DYNC1I2: variants seen among roughly 807,000 people sequenced by gnomAD.
The protein encoded by DYNC1I2 is dynein cytoplasmic 1 intermediate chain 2, also known as cytoplasmic dynein 1 intermediate chain 2.
DYNC1I2 carries 53 observed loss-of-function variants against 88.6 expected under a neutral mutation model. The observed-to-expected ratio is 0.60, with a 90% confidence interval of 0.48 to 0.75. The LOEUF is 0.75. Ranked by LOEUF, DYNC1I2 falls within the 30% of genes least tolerant of loss-of-function variation. The pLI, the probability that DYNC1I2 is intolerant of heterozygous loss-of-function variation, is 0.00. For missense variants in DYNC1I2, 458 were observed against 766.6 expected, an observed-to-expected ratio of 0.60 and a Z score of 4.75; for synonymous variants, 198 against 254.6, an observed-to-expected ratio of 0.78 and a Z score of 2.12.
intron 15 of DYNC1I2, among the ~76,000 whole-genome samples, chr2:171,741,011 CTT>C: frequency 6.6e-6 from 1 of 152,294 alleles, no homozygotes; most frequent in African/African-American, 2.4e-5. Flanking sequence ...CTTTCTATCT[CTT>C]TGGGTCTGCC....
chr2:171,698,123 G>A (rs1215058027), intron 3 of DYNC1I2, among the ~76,000 whole-genome samples: 1 of 152,186 alleles, frequency 6.6e-6, no homozygotes, highest in Non-Finnish European at 1.5e-5. Flanking sequence ...TTCTTTATCA[G>A]CCTTTTATCT....
intron 16 of DYNC1I2, among the ~76,000 whole-genome samples, chr2:171,744,781 T>C (rs1689672736): frequency 2.0e-5 from 3 of 152,208 alleles, no homozygotes; most frequent in South Asian, 4.1e-4. Context: ...TATTTATTTT[T>C]AGTCACATGT....
At chr2:171,712,146 CT>C (rs1364399775) in intron 5 of DYNC1I2, among the ~76,000 whole-genome samples, 1 of 152,090 alleles carries the variant, frequency 6.6e-6, no homozygotes, top group Non-Finnish European at 1.5e-5. Context: ...TAGTTGTTTT[CT>C]TTAAGCAGAT....
chr2:171,695,193 G>A (rs1432227136), intron 3 of DYNC1I2, among the ~76,000 whole-genome samples: 3 of 151,832 alleles, frequency 2.0e-5, no homozygotes, highest in South Asian at 2.1e-4. Context: ...TCCACCTCCC[G>A]AGTTTAAGCG....
chr2:171,712,624 A>AT (rs5836347), intron 5 of DYNC1I2, 143 bp from the exon 6 acceptor site: 9,050 of 500,456 alleles, frequency 0.018, 1 homozygote, highest in East Asian at 0.034. Context: ...TTTGTTTTCG[A>AT]TTTTTTTTTT....
At chr2:171,734,890 A>G (rs1688900034) in intron 15 of DYNC1I2, among the ~76,000 whole-genome samples, 1 of 152,236 alleles carries the variant, frequency 6.6e-6, no homozygotes, top group Non-Finnish European at 1.5e-5. Flanking sequence ...AATGAATGGT[A>G]AAGAATAATA....
chr2:171,690,758 G>A (rs1685344799), intron 2 of DYNC1I2, among the ~76,000 whole-genome samples: 1 of 150,736 alleles, frequency 6.6e-6, no homozygotes, highest in Non-Finnish European at 1.5e-5. Flanking sequence ...TGACTCAGGT[G>A]ATCCTTCCAC....
At chr2:171,743,104 A>G (rs116555388) in intron 15 of DYNC1I2, among the ~76,000 whole-genome samples, 2,865 of 152,318 alleles carry the variant, frequency 0.019, 58 homozygotes, top group Admixed American at 0.068. Context: ...TTCTGACAAC[A>G]TAAATTGTTG....
intron 7 of DYNC1I2, among the ~76,000 whole-genome samples, chr2:171,723,112 G>A (rs1426388950): frequency 6.6e-6 from 1 of 152,130 alleles, no homozygotes. Flanking sequence ...TGTTAAATAT[G>A]TAAATTATGA....
Position 171,725,679 on chromosome 2 carries a change from A to T in DYNC1I2, c.573A>T (p.Lys191Asn). 9 of 1,582,616 alleles carry T rather than the reference A, an allele frequency of 5.7e-6. No individual in the cohort carries two copies. The highest frequency in any genetic ancestry group is 6.8e-6 in the Non-Finnish European group (8 of 1,168,516). Residue 191 changes from lysine (K) to asparagine (N), a missense_variant, in exon 8 of 18, where the codon AAA becomes AAT. Coordinates refer to ENST00000397119, the MANE Select transcript of DYNC1I2 (RefSeq NM_001378.3). ...PKPPIEPEEE[K>N]TLKKDEENDS... The stretch of plus-strand genomic sequence containing the variant: ...CACCTATTGAACCTGAAGAAGAGAA[A>T]ACTTTAAAGAAAGATGAGGAAAATG...
At chr2:171,712,576 A>T in intron 5 of DYNC1I2, 191 bp from the exon 6 acceptor site, 2 of 533,966 alleles carry the variant, frequency 3.7e-6, no homozygotes, top group South Asian at 5.9e-5. Context: ...AGCCTATTGC[A>T]TGCACTAGAT....
intron 3 of DYNC1I2, among the ~76,000 whole-genome samples, chr2:171,694,701 CT>C (rs1198885508): frequency 6.6e-6 from 1 of 152,098 alleles, no homozygotes; most frequent in Non-Finnish European, 1.5e-5. Context: ...GCTCTGCAAG[CT>C]TTACAGGAAG....
rs1688273341 is a variant in DYNC1I2 at position 171,726,629 on chromosome 2, G to A, written c.871-162G>A. The A allele has an allele frequency of 8.7e-6, 6 of 693,594 alleles. No homozygotes were observed. In the South Asian group the frequency reaches 1.6e-4, roughly 19 times the overall value. The allele number at this position is 693,594 out of a possible 1,614,324, so 43.0% of individuals were successfully genotyped here. On this transcript the variant is annotated intron_variant, in intron 10 of 17. Coordinates refer to ENST00000397119, the MANE Select transcript of DYNC1I2 (RefSeq NM_001378.3). ...TAATTAACTGTTCTAATTTAAAATT[G>A]TACTAATGTCCCAGTAGGCATAATG...
intron 7 of DYNC1I2, among the ~76,000 whole-genome samples, chr2:171,719,099 A>G (rs1483092439): frequency 1.3e-5 from 2 of 152,156 alleles, no homozygotes; most frequent in Admixed American, 6.5e-5. Flanking sequence ...TGCTCTATGT[A>G]AAGGCACTAG....
At chr2:171,715,007 G>T (rs189639186) in intron 6 of DYNC1I2, among the ~76,000 whole-genome samples, 1 of 152,094 alleles carries the variant, frequency 6.6e-6, no homozygotes, top group East Asian at 1.9e-4. Context: ...CAGTTCTTAC[G>T]ACAACCTTAT....
chr2:171,726,363 A>G, intron 10 of DYNC1I2, 70 bp downstream of exon 10: 1 of 1,064,956 alleles, frequency 9.4e-7, no homozygotes, highest in Non-Finnish European at 1.3e-6. Context: ...ATTTTATTTT[A>G]ATTATGGGAA....
chr2:171,739,160 T>G (rs1369620049), intron 15 of DYNC1I2, among the ~76,000 whole-genome samples: 4 of 151,864 alleles, frequency 2.6e-5, no homozygotes, highest in Admixed American at 1.3e-4. Flanking sequence ...TTTGGTGGTG[T>G]TATCAGGGAG....
chr2:171,745,652 C>T lies in DYNC1I2; in HGVS notation c.1678-150C>T, dbSNP rs561984415. On this transcript the variant is annotated intron_variant, in intron 16 of 17. Transcript: ENST00000397119. ...CTATAATGTCATTCATAATATATCA[C>T]TGAAGAAGAAGAAAGTTGGGGAAAT... is the stretch of plus-strand genomic sequence containing the variant. 1.2e-4 allele frequency: 98 copies of T among 797,008 alleles called. No homozygotes were observed. The African/African-American group carries it at 1.6e-3, about 13-fold the overall frequency. The allele number at this position is 797,008 out of a possible 1,614,324, so 49.4% of individuals were successfully genotyped here.
rs755041582 is a variant in DYNC1I2, at chr2:171,726,129, TTTAAGA to T, written c.770+55_771-53del. Reference sequence around the variant, plus strand: ...TTTAGCTTCAATAATGTTAAATTACTTTAAGATTAAGAGTGATAAAAGTTATAACAC... The same window carrying T: ...TTTAGCTTCAATAATGTTAAATTACTTTAAGAGTGATAAAAGTTATAACAC... On this transcript the variant is annotated intron_variant, in intron 9 of 17. Coordinates refer to ENST00000397119, the MANE Select transcript of DYNC1I2 (RefSeq NM_001378.3). 3.5e-4 allele frequency: 550 copies of T among 1,561,652 alleles called. 1 individual carries two copies. The highest frequency in any genetic ancestry group is 4.2e-4 in the Non-Finnish European group (487 of 1,156,534).
Sources: gnomAD v4.1 joint callset for allele counts (sites outside exome capture counted in the v4.1 genomes callset) on GRCh38, gnomAD v4.1.1 for gene constraint, MANE v1.5 for transcripts, NCBI Gene and HGNC (gene_info 2026-07-23, HGNC 2026-07-21) for gene names.